The following ENTREP2 variants were observed in gnomAD, a reference collection of about 807,000 sequenced individuals.
The protein encoded by ENTREP2 is endosomal transmembrane epsin interactor 2, also known as protein ENTREP2.
At chr15:29,394,135 G>A in the ENTREP2 span, among the ~76,000 whole-genome samples, 3 of 152,270 alleles carry the variant, frequency 2.0e-5, no homozygotes, top group African/African-American at 7.2e-5. Context: ...ACATAGGAAG[G>A]AAGATTTTTA....
the ENTREP2 span, among the ~76,000 whole-genome samples, chr15:29,526,868 C>T: frequency 6.6e-6 from 1 of 152,044 alleles, no homozygotes; most frequent in African/African-American, 2.4e-5. Context: ...CCCACTCTCC[C>T]TTCCATCACT....
At chr15:29,447,450 C>A in the ENTREP2 span, among the ~76,000 whole-genome samples, 15 of 152,170 alleles carry the variant, frequency 9.9e-5, no homozygotes, top group African/African-American at 3.6e-4. Context: ...TCCTTCACAT[C>A]CCATGCAAAA....
the ENTREP2 span, among the ~76,000 whole-genome samples, chr15:29,670,032 A>C: frequency 6.6e-6 from 1 of 152,162 alleles, no homozygotes; most frequent in African/African-American, 2.4e-5. Flanking sequence ...TTCATTCCGA[A>C]GCCATGTCAG....
the ENTREP2 span, among the ~76,000 whole-genome samples, chr15:29,444,226 GAAAGAAAGAAAGAAAGAAAGAA>G: frequency 2.0e-5 from 3 of 148,546 alleles, no homozygotes; most frequent in African/African-American, 7.6e-5. Flanking sequence ...AAGAAAGAAA[GAAAGAAAGAAAGAAAGAAAGAA>G]AGAGAAAGAG....
chr15:29,396,583 G>C, the ENTREP2 span, among the ~76,000 whole-genome samples: 1 of 152,126 alleles, frequency 6.6e-6, no homozygotes, highest in Non-Finnish European at 1.5e-5. Context: ...TCTCTTAATA[G>C]TGTCCTTTGA....
At chr15:29,278,281 T>C in the ENTREP2 span, among the ~76,000 whole-genome samples, 4 of 152,186 alleles carry the variant, frequency 2.6e-5, no homozygotes, top group South Asian at 4.1e-4. Context: ...AGCAATGAAG[T>C]TGCATGCGGA....
the ENTREP2 span, among the ~76,000 whole-genome samples, chr15:29,602,918 G>C: frequency 6.6e-6 from 1 of 152,206 alleles, no homozygotes; most frequent in African/African-American, 2.4e-5. Context: ...CAGGCCAAGA[G>C]AACGTGCATG....
chr15:29,589,987 C>T, the ENTREP2 span, among the ~76,000 whole-genome samples: 1 of 152,216 alleles, frequency 6.6e-6, no homozygotes, highest in African/African-American at 2.4e-5. Context: ...ACACAGCTCA[C>T]TCCCAGTGAA....
the ENTREP2 span, among the ~76,000 whole-genome samples, chr15:29,344,643 A>G: frequency 6.6e-6 from 1 of 151,976 alleles, no homozygotes; most frequent in South Asian, 2.1e-4. Context: ...ACTGCTCCAC[A>G]CCAGAGGTGG....
At chr15:29,342,533 A>G in the ENTREP2 span, among the ~76,000 whole-genome samples, 1 of 152,128 alleles carries the variant, frequency 6.6e-6, no homozygotes, top group Admixed American at 6.5e-5. Context: ...GAATTAACCT[A>G]TAATTGTCTT....
the ENTREP2 span, among the ~76,000 whole-genome samples, chr15:29,503,007 T>C: frequency 4.6e-5 from 7 of 152,012 alleles, no homozygotes; most frequent in African/African-American, 1.2e-4. Context: ...ACGTTGCTGA[T>C]AGGAATGTAA....
chr15:29,654,618 T>C, the ENTREP2 span, among the ~76,000 whole-genome samples: 2 of 152,216 alleles, frequency 1.3e-5, no homozygotes, highest in African/African-American at 2.4e-5. Context: ...TTAGAGATGG[T>C]GAGATCCATA....
chr15:29,467,278 T>C, the ENTREP2 span, among the ~76,000 whole-genome samples: 1 of 152,118 alleles, frequency 6.6e-6, no homozygotes, highest in Non-Finnish European at 1.5e-5. Flanking sequence ...AAGGAAGCCA[T>C]GTTTTAAAGA....
the ENTREP2 span, among the ~76,000 whole-genome samples, chr15:29,633,326 G>A: frequency 1.3e-5 from 2 of 152,204 alleles, no homozygotes; most frequent in South Asian, 2.1e-4. Flanking sequence ...GGGGTTGGAG[G>A]AAATATTGAT....
At chr15:29,141,716 C>G in the ENTREP2 span, among the ~76,000 whole-genome samples, 1 of 152,224 alleles carries the variant, frequency 6.6e-6, no homozygotes, top group African/African-American at 2.4e-5. Context: ...AGGGCCTTCT[C>G]CCTCTGCCTT....
the ENTREP2 span, among the ~76,000 whole-genome samples, chr15:29,647,004 C>T: frequency 6.6e-6 from 1 of 152,206 alleles, no homozygotes; most frequent in African/African-American, 2.4e-5. Flanking sequence ...TGGTTTCATG[C>T]CTCTCCACCC....
chr15:29,655,373 C>A, the ENTREP2 span, among the ~76,000 whole-genome samples: 1 of 152,160 alleles, frequency 6.6e-6, no homozygotes. Flanking sequence ...CAAATATCAC[C>A]TATATTGACT....
the ENTREP2 span, chr15:29,269,044 T>G: frequency 6.2e-7 from 1 of 1,614,122 alleles, no homozygotes; most frequent in Non-Finnish European, 8.5e-7. Context: ...AGTAATGAGT[T>G]TCTTTGGATC....
At chr15:29,244,477 C>A in the ENTREP2 span, among the ~76,000 whole-genome samples, 1 of 152,168 alleles carries the variant, frequency 6.6e-6, no homozygotes, top group Non-Finnish European at 1.5e-5. Flanking sequence ...GACGCATGTG[C>A]GCCAGGAAAA....
Sources: gnomAD v4.1 joint callset for allele counts (sites outside exome capture counted in the v4.1 genomes callset) on GRCh38, gnomAD v4.1.1 for gene constraint, MANE v1.5 for transcripts, NCBI Gene and HGNC (gene_info 2026-07-23, HGNC 2026-07-21) for gene names.